Variants in HUNK observed in about 807,000 individuals in gnomAD.
The protein encoded by HUNK is hormonally up-regulated Neu-associated kinase, also known as hormonally up-regulated neu tumor-associated kinase.
HUNK carries 21 observed loss-of-function variants against 61.0 expected under a neutral mutation model. The ratio of observed to expected loss-of-function variants is 0.34; its 90% CI spans 0.24 to 0.50. The LOEUF is 0.50. HUNK is among the 20% of genes least tolerant of loss of function. The pLI is 0.98. For synonymous variants in HUNK, 371 were observed against 386.1 expected (o/e 0.96, Z 0.46); for missense variants, 772 against 945.7 (o/e 0.82, Z 2.41).
rs56695834 is a variant in HUNK, at chr21:31,968,842, T to TTG, written c.1010+489_1010+490dup. Among the ~76,000 whole-genome samples the TTG allele has an allele frequency of 2.0e-3, 286 of 140,578 alleles. 3 individuals carry two copies. The highest frequency in any genetic ancestry group is 3.6e-3 in the Middle Eastern group (1 of 276). 92.2% of individuals were successfully genotyped at this position (140,578 alleles called of 152,430 possible). On this transcript the variant is annotated intron_variant, in intron 6 of 10. Transcript: ENST00000270112. ...GTGTGTGTATGTGTTGTGTGTAAATTTGTGTGTGTGTGTGTGTGTGTGTGT... is the reference window on the plus strand; with the variant it reads ...GTGTGTGTATGTGTTGTGTGTAAATTTGTGTGTGTGTGTGTGTGTGTGTGTGT...
intron 1 of HUNK, among the ~76,000 whole-genome samples, chr21:31,896,051 CAGAG>C (rs1408825630): frequency 1.0e-5 from 1 of 96,910 alleles, no homozygotes; most frequent in Non-Finnish European, 2.0e-5. Flanking sequence ...TGCGCACACA[CAGAG>C]AGAGACTGCA....
At chr21:31,897,449 C>T (rs369980966) in intron 1 of HUNK, among the ~76,000 whole-genome samples, 1 of 152,170 alleles carries the variant, frequency 6.6e-6, no homozygotes, top group African/African-American at 2.4e-5. Flanking sequence ...AGGGCATCCT[C>T]CCTCTGTCTT....
chr21:31,947,209 G>T (rs1383511349), intron 4 of HUNK, among the ~76,000 whole-genome samples: 16 of 120,422 alleles, frequency 1.3e-4, no homozygotes, highest in South Asian at 2.9e-4. Context: ...CCACATCCCA[G>T]TCTCAAGCCA....
At chr21:31,900,377 A>G (rs2052456131) in intron 1 of HUNK, among the ~76,000 whole-genome samples, 1 of 151,282 alleles carries the variant, frequency 6.6e-6, no homozygotes, top group East Asian at 2.0e-4. Flanking sequence ...CTTGAGCACA[A>G]GCAAGCGTGT....
At chr21:31,876,534 A>G (rs1019064180) in intron 1 of HUNK, among the ~76,000 whole-genome samples, 8 of 152,208 alleles carry the variant, frequency 5.3e-5, no homozygotes, top group African/African-American at 1.4e-4. Context: ...TTCCCACTCT[A>G]GTTTTGGGTA....
chr21:31,968,454 C>T lies in HUNK; in HGVS notation c.1010+69C>T, dbSNP rs956347511. ...CTGTCCTACTAGCCCTGAGCAGTTC[C>T]GGACAGAAAGCTGTCCGTGATTGAA... is the stretch of plus-strand genomic sequence containing the variant. On this transcript the variant is annotated intron_variant, in intron 6 of 10. Coordinates refer to ENST00000270112, the MANE Select transcript of HUNK (RefSeq NM_014586.2). 4.2e-5 allele frequency: 66 copies of T among 1,574,208 alleles called. 1 individual carries two copies. In the South Asian group the frequency reaches 5.1e-4, roughly 12 times the overall value.
At chr21:31,963,351 A>AC (rs35000549) in intron 5 of HUNK, among the ~76,000 whole-genome samples, 16 of 151,448 alleles carry the variant, frequency 1.1e-4, no homozygotes, top group Admixed American at 2.6e-4. Flanking sequence ...TATAAGACGC[A>AC]CCCCCCCTAC....
intron 2 of HUNK, among the ~76,000 whole-genome samples, chr21:31,927,332 C>G (rs1015436952): frequency 6.7e-6 from 1 of 150,294 alleles, no homozygotes; most frequent in Non-Finnish European, 1.5e-5. Flanking sequence ...TGTGAGCCGC[C>G]GTGCCCAGCC....
rs560522774 is a variant in HUNK, at chr21:31,886,018, G to T, written c.261+12083G>T. On this transcript the variant is annotated intron_variant, in intron 1 of 10. Transcript: ENST00000270112. ...AATGCTGGGATTACAGACTATAGACGTGAGCCACCACGCTTGGCCTATGTT... is the reference window on the plus strand; with the variant it reads ...AATGCTGGGATTACAGACTATAGACTTGAGCCACCACGCTTGGCCTATGTT... Among the ~76,000 whole-genome samples the T allele has an allele frequency of 2.6e-5, 4 of 152,246 alleles. No homozygotes were observed. The South Asian group carries it at 8.3e-4, about 32-fold the overall frequency.
intron 1 of HUNK, among the ~76,000 whole-genome samples, chr21:31,888,821 T>C (rs1475787500): frequency 6.6e-6 from 1 of 151,934 alleles, no homozygotes; most frequent in Non-Finnish European, 1.5e-5. Context: ...TATGTGTGTA[T>C]ATATATATAA....
intron 3 of HUNK, among the ~76,000 whole-genome samples, chr21:31,941,189 C>G (rs541901941): frequency 3.9e-4 from 59 of 152,318 alleles, no homozygotes; most frequent in African/African-American, 1.2e-3. Context: ...GATGGATACA[C>G]TTATTACTAG....
intron 2 of HUNK, among the ~76,000 whole-genome samples, chr21:31,935,518 A>G (rs1168281428): frequency 6.6e-6 from 1 of 152,254 alleles, no homozygotes; most frequent in East Asian, 1.9e-4. Context: ...TACCATAAAG[A>G]ATAATTTTAA....
At chr21:31,980,707 T>C (rs1387709625) in intron 7 of HUNK, among the ~76,000 whole-genome samples, 1 of 151,550 alleles carries the variant, frequency 6.6e-6, no homozygotes, top group East Asian at 1.9e-4. Context: ...TGGGCCTAAG[T>C]CTTTTTTTCT....
chr21:31,948,052 T>G (rs2052821893), intron 4 of HUNK, among the ~76,000 whole-genome samples: 1 of 152,224 alleles, frequency 6.6e-6, no homozygotes, highest in African/African-American at 2.4e-5. Flanking sequence ...ATTACCCTAT[T>G]TTATGGAAGA....
intron 2 of HUNK, among the ~76,000 whole-genome samples, chr21:31,931,135 C>T (rs2052693944): frequency 6.9e-6 from 1 of 145,290 alleles, no homozygotes; most frequent in African/African-American, 2.5e-5. Context: ...GAGTTATGTG[C>T]TTGGGGAGTT....
At chr21:31,967,483 A>G (rs1043919311) in intron 5 of HUNK, among the ~76,000 whole-genome samples, 3 of 152,328 alleles carry the variant, frequency 2.0e-5, no homozygotes, top group Admixed American at 6.5e-5. Context: ...CTGCTTAGAG[A>G]TGAATTAGCT....
At chr21:31,949,645 C>G (rs2052835567) in intron 4 of HUNK, among the ~76,000 whole-genome samples, 1 of 152,134 alleles carries the variant, frequency 6.6e-6, no homozygotes, top group Non-Finnish European at 1.5e-5. Flanking sequence ...AAGAGGTCCC[C>G]TGTCTTAGTC....
intron 1 of HUNK, among the ~76,000 whole-genome samples, chr21:31,916,931 C>T (rs1016946277): frequency 6.6e-5 from 10 of 152,154 alleles, no homozygotes; most frequent in Admixed American, 1.3e-4. Context: ...CAGCCTCAGC[C>T]TCCCAAAGTG....
chr21:31,881,620 A>G (rs1358931215), intron 1 of HUNK, among the ~76,000 whole-genome samples: 3 of 152,142 alleles, frequency 2.0e-5, no homozygotes, highest in East Asian at 3.8e-4. Flanking sequence ...CAAAAACTCC[A>G]TAACAACAGC....
Sources: gnomAD v4.1 joint callset for allele counts (sites outside exome capture counted in the v4.1 genomes callset) on GRCh38, gnomAD v4.1.1 for gene constraint, MANE v1.5 for transcripts, NCBI Gene and HGNC (gene_info 2026-07-23, HGNC 2026-07-21) for gene names.